AGBL4: variants seen among roughly 807,000 people sequenced by gnomAD.
AGBL4 encodes the protein AGBL carboxypeptidase 4.
In AGBL4, 58 loss-of-function variants were observed where a neutral mutation model predicts 66.4. That is an observed-to-expected ratio of 0.87 (90% CI 0.71 to 1.09). AGBL4 has a LOEUF of 1.09. AGBL4 is among the 50% of genes least tolerant of loss of function. The probability of loss-of-function intolerance (pLI) is 0.00; values close to 1 mark genes in which losing one functional copy is unlikely to be tolerated. For synonymous variants in AGBL4, 234 were observed against 222.9 expected, an observed-to-expected ratio of 1.05 and a Z score of -0.44; for missense variants, 579 against 631.0, an observed-to-expected ratio of 0.92 and a Z score of 0.88.
intron 7 of AGBL4, among the ~76,000 whole-genome samples, chr1:48,654,563 C>T (rs1453405910): frequency 6.6e-6 from 1 of 152,196 alleles, no homozygotes; most frequent in Non-Finnish European, 1.5e-5. Flanking sequence ...AGTGGGGCCC[C>T]GTTCCTGCTG....
chr1:49,044,153 C>T (rs574590983), intron 5 of AGBL4, among the ~76,000 whole-genome samples: 332 of 152,140 alleles, frequency 2.2e-3, no homozygotes, highest in African/African-American at 7.4e-3. Flanking sequence ...CCTATGAATC[C>T]ACTATGAAGA....
chr1:48,965,821 C>T (rs1658374316), intron 5 of AGBL4, among the ~76,000 whole-genome samples: 1 of 152,084 alleles, frequency 6.6e-6, no homozygotes, highest in Non-Finnish European at 1.5e-5. Flanking sequence ...CCTACAAATA[C>T]CCAGCCTGTC....
At chr1:48,886,958 G>A (rs1650420199) in intron 5 of AGBL4, among the ~76,000 whole-genome samples, 1 of 152,272 alleles carries the variant, frequency 6.6e-6, no homozygotes, top group South Asian at 2.1e-4. Flanking sequence ...CAACAGATAA[G>A]TGTGAGAAGC....
chr1:48,556,795 TG>T (rs1644327979), intron 11 of AGBL4, among the ~76,000 whole-genome samples: 1 of 152,220 alleles, frequency 6.6e-6, no homozygotes, highest in South Asian at 2.1e-4. Flanking sequence ...TGTTTTGTTT[TG>T]TTTTGTTTTT....
At chr1:48,554,078 T>C (rs1644287207) in intron 11 of AGBL4, among the ~76,000 whole-genome samples, 1 of 152,168 alleles carries the variant, frequency 6.6e-6, no homozygotes, top group African/African-American at 2.4e-5. Context: ...GGGTGAGAAT[T>C]GGGGTTCGGT....
intron 1 of AGBL4, among the ~76,000 whole-genome samples, chr1:50,012,606 C>T (rs1412417187): frequency 6.6e-6 from 1 of 152,018 alleles, no homozygotes; most frequent in Admixed American, 6.6e-5. Context: ...AATATTTAAT[C>T]CTGTTTTTGA....
At chr1:48,799,234 T>C (rs1570700300) in intron 6 of AGBL4, among the ~76,000 whole-genome samples, 1 of 152,008 alleles carries the variant, frequency 6.6e-6, no homozygotes, top group East Asian at 1.9e-4. Flanking sequence ...TATTCCTAAG[T>C]ATTTTATTTT....
intron 8 of AGBL4, among the ~76,000 whole-genome samples, chr1:48,636,831 G>A (rs1037045921): frequency 6.6e-6 from 1 of 152,170 alleles, no homozygotes; most frequent in African/African-American, 2.4e-5. Context: ...TGCTCTTCTA[G>A]GGAACAAACA....
At chr1:49,231,715 TACAG>T (rs551832381) in intron 4 of AGBL4, among the ~76,000 whole-genome samples, 55 of 152,230 alleles carry the variant, frequency 3.6e-4, no homozygotes, top group Admixed American at 2.6e-3. Flanking sequence ...CAGAACAAAA[TACAG>T]ACAGTCTCTA....
At chr1:49,577,510 C>T (rs1473231038) in intron 3 of AGBL4, among the ~76,000 whole-genome samples, 1 of 152,216 alleles carries the variant, frequency 6.6e-6, no homozygotes, top group Non-Finnish European at 1.5e-5. Context: ...TATTGGACCT[C>T]TTCCATCATG....
At chr1:49,949,298 T>C (rs1439876606) in intron 1 of AGBL4, among the ~76,000 whole-genome samples, 3 of 151,928 alleles carry the variant, frequency 2.0e-5, no homozygotes, top group Non-Finnish European at 2.9e-5. Flanking sequence ...CTTCTAGACA[T>C]TGGCTTAGGC....
At chr1:49,918,108 A>T (rs1651765790) in intron 1 of AGBL4, among the ~76,000 whole-genome samples, 2 of 152,242 alleles carry the variant, frequency 1.3e-5, no homozygotes. Flanking sequence ...AATTTATAGC[A>T]CGAAATGCCA....
At chr1:49,054,137 CATTACCA>C (rs1487572720) in intron 4 of AGBL4, among the ~76,000 whole-genome samples, 19 of 151,978 alleles carry the variant, frequency 1.3e-4, no homozygotes, top group Admixed American at 1.0e-3. Flanking sequence ...TAATTTTGAT[CATTACCA>C]ATTCCAAGTT....
intron 4 of AGBL4, among the ~76,000 whole-genome samples, chr1:49,152,314 C>T (rs1011380449): frequency 1.3e-5 from 2 of 152,136 alleles, no homozygotes; most frequent in Non-Finnish European, 2.9e-5. Context: ...CCCTTCTCTT[C>T]CCTTCTTTTC....
At position 48,532,957 on chromosome 1, in the gene AGBL4, C is replaced by T. The variant is rs1368909888; in HGVS notation, c.*1216G>A. 6.6e-6 allele frequency: 1 copy of T among 152,196 alleles called. No individual in the cohort carries two copies. Among genetic ancestry groups the T allele is most frequent in the Non-Finnish European group, 1.5e-5 (1 of 68,062 alleles). 9.4% of individuals were successfully genotyped at this position (152,196 alleles called of 1,614,324 possible). On this transcript the variant is annotated 3_prime_UTR_variant, in exon 14 of 14. Transcript: ENST00000371839. Reference sequence around the variant, plus strand: ...AGCCAATCAACATATGGCTCTTTGTCATCATTTCTGAAAACTAGCATGCAA... The same window carrying T: ...AGCCAATCAACATATGGCTCTTTGTTATCATTTCTGAAAACTAGCATGCAA...
At chr1:49,725,682 G>GTTTTTT (rs58294452) in intron 2 of AGBL4, among the ~76,000 whole-genome samples, 17 of 119,064 alleles carry the variant, frequency 1.4e-4, no homozygotes, top group East Asian at 2.7e-4. Flanking sequence ...TCCTTTGTGG[G>GTTTTTT]TTTTTTTTTT....
chr1:49,502,012 T>C (rs1343307850), intron 3 of AGBL4, among the ~76,000 whole-genome samples: 1 of 152,206 alleles, frequency 6.6e-6, no homozygotes, highest in East Asian at 1.9e-4. Context: ...TGTTAAGACT[T>C]GTTTTGTAAC....
At chr1:49,520,526 C>T (rs1310707063) in intron 3 of AGBL4, among the ~76,000 whole-genome samples, 1 of 152,004 alleles carries the variant, frequency 6.6e-6, no homozygotes, top group Non-Finnish European at 1.5e-5. Context: ...TAAGGCCCTA[C>T]CTGTTGCTTC....
intron 3 of AGBL4, among the ~76,000 whole-genome samples, chr1:49,685,566 T>A (rs1646773114): frequency 6.6e-6 from 1 of 152,158 alleles, no homozygotes; most frequent in Non-Finnish European, 1.5e-5. Flanking sequence ...CAGCATCTGT[T>A]ATGTTTTGAC....
Sources: allele counts gnomAD v4.1 joint callset (sites outside exome capture counted in the v4.1 genomes callset), GRCh38; gene constraint gnomAD v4.1.1; transcripts MANE v1.5; gene names NCBI Gene and HGNC (gene_info 2026-07-23, HGNC 2026-07-21).